Variants in CDC42BPA observed in about 807,000 individuals in gnomAD.
CDC42BPA encodes the protein CDC42 binding protein kinase alpha, also known as serine/threonine-protein kinase MRCK alpha.
CDC42BPA carries 80 observed loss-of-function variants against 223.5 expected under a neutral mutation model. That is an observed-to-expected ratio of 0.36 (90% confidence interval 0.30 to 0.43). CDC42BPA has a LOEUF of 0.43. Among genes scored for constraint, CDC42BPA ranks in the 20% least tolerant of loss-of-function variants. The probability of loss-of-function intolerance (pLI) is 1.00; values close to 1 mark genes in which losing one functional copy is unlikely to be tolerated. For synonymous variants in CDC42BPA, 694 were observed against 718.6 expected (o/e 0.97, Z 0.55); for missense variants, 1,743 against 2,099.9 (o/e 0.83, Z 3.32).
chr1:227,145,474 C>T lies in CDC42BPA; in HGVS notation c.1143+15G>A. On this transcript the variant is annotated intron_variant, in intron 8 of 36. Coordinates refer to ENST00000366766, the MANE Select transcript of CDC42BPA (RefSeq NM_001394014.1). ...GAAACAGAGGGACAGAACTTCTTCA[C>T]AGTGTCATACTTACAGAATTTTTTA... 3 of 1,603,356 alleles carry T rather than the reference C, an allele frequency of 1.9e-6. No homozygotes were observed. Among genetic ancestry groups the T allele is most frequent in the Non-Finnish European group, 2.6e-6 (3 of 1,173,974 alleles).
intron 12 of CDC42BPA, among the ~76,000 whole-genome samples, chr1:227,113,186 C>T (rs1687202417): frequency 6.6e-6 from 1 of 152,200 alleles, no homozygotes. Context: ...TAGGAATAAA[C>T]GATATGATGG....
intron 1 of CDC42BPA, among the ~76,000 whole-genome samples, chr1:227,276,120 C>A (rs866595731): frequency 1.3e-5 from 2 of 150,764 alleles, no homozygotes; most frequent in Admixed American, 6.6e-5. Context: ...AAGTGAGGAG[C>A]GCCTCTTCCC....
intron 17 of CDC42BPA, among the ~76,000 whole-genome samples, chr1:227,078,344 G>T (rs1468635324): frequency 6.6e-6 from 1 of 151,990 alleles, no homozygotes; most frequent in Non-Finnish European, 1.5e-5. Context: ...CTCCAGCTCT[G>T]GTCAAAATAG....
At chr1:227,099,612 C>T (rs78335667) in intron 15 of CDC42BPA, among the ~76,000 whole-genome samples, 13,678 of 152,066 alleles carry the variant, frequency 0.09, 841 homozygotes, top group Middle Eastern at 0.16. Context: ...CCCCCTGTTG[C>T]CTCCTCTCTC....
intron 12 of CDC42BPA, among the ~76,000 whole-genome samples, chr1:227,115,071 T>TA (rs1192123836): frequency 6.6e-6 from 1 of 152,112 alleles, no homozygotes. Context: ...AGAATGTAAA[T>TA]ACACTTAACA....
In CDC42BPA at chr1:227,261,453, T is replaced by C. The variant is rs532658814; in HGVS notation, c.179-7298A>G. Among the ~76,000 whole-genome samples the C allele has an allele frequency of 4.1e-4, 62 of 150,712 alleles. 2 individuals are homozygous for C. Among genetic ancestry groups the C allele is most frequent in the African/African-American group, 1.5e-3 (60 of 40,128 alleles). On this transcript the variant is annotated intron_variant, in intron 1 of 36. Transcript: ENST00000366766. ...AAACAAAGTTTCAAAATAGTCCTTG[T>C]GCATATATGGGCTTGACAACACAGT...
At chr1:227,020,692 A>G (rs1381202561) in intron 32 of CDC42BPA, among the ~76,000 whole-genome samples, 1 of 152,228 alleles carries the variant, frequency 6.6e-6, no homozygotes, top group East Asian at 1.9e-4. Context: ...TGTAACAGCA[A>G]TAAGGTTGTT....
chr1:227,028,458 T>G (rs1411131429), intron 30 of CDC42BPA, among the ~76,000 whole-genome samples, 199 bp downstream of exon 30: 1 of 152,260 alleles, frequency 6.6e-6, no homozygotes, highest in Non-Finnish European at 1.5e-5. Flanking sequence ...ATTACGTGCA[T>G]GCTAATGCTG....
chr1:227,207,164 T>C (rs1264132465), intron 3 of CDC42BPA, among the ~76,000 whole-genome samples: 1 of 142,902 alleles, frequency 7.0e-6, no homozygotes, highest in Non-Finnish European at 1.5e-5. Context: ...TTCCCACCTA[T>C]GAGTGAGAAC....
intron 1 of CDC42BPA, among the ~76,000 whole-genome samples, chr1:227,270,559 T>C (rs1418723392): frequency 6.6e-6 from 1 of 152,214 alleles, no homozygotes; most frequent in Non-Finnish European, 1.5e-5. Flanking sequence ...CATGAGTTGT[T>C]TGAATTTTAT....
At chr1:227,042,546 T>C (rs1240964990) in intron 23 of CDC42BPA, among the ~76,000 whole-genome samples, 1 of 152,162 alleles carries the variant, frequency 6.6e-6, no homozygotes, top group African/African-American at 2.4e-5. Flanking sequence ...CATAACATAA[T>C]TAAAGATCGT....
At chr1:227,227,085 A>G (rs1440929210) in intron 2 of CDC42BPA, among the ~76,000 whole-genome samples, 1 of 152,168 alleles carries the variant, frequency 6.6e-6, no homozygotes, top group Non-Finnish European at 1.5e-5. Context: ...TAACTAAAAA[A>G]GTATAAAATA....
intron 34 of CDC42BPA, 46 bp downstream of exon 34, chr1:227,016,034 C>A: frequency 1.1e-6 from 1 of 943,236 alleles, no homozygotes; most frequent in Non-Finnish European, 1.7e-6. Context: ...TATTTATACT[C>A]CCCCCACACC....
chr1:227,131,170 T>C (rs1275050861), intron 10 of CDC42BPA, among the ~76,000 whole-genome samples: 2 of 152,204 alleles, frequency 1.3e-5, no homozygotes, highest in Admixed American at 6.5e-5. Context: ...CATCTAACAC[T>C]GACTTCTGAG....
At chr1:227,093,033 T>A (rs72748181) in intron 15 of CDC42BPA, among the ~76,000 whole-genome samples, 48,770 of 152,068 alleles carry the variant, frequency 0.32, 7,931 homozygotes, top group East Asian at 0.43. Flanking sequence ...AAGTTATCCC[T>A]ACCATGTCTC....
At chr1:227,114,327 A>G (rs1334455609) in intron 12 of CDC42BPA, among the ~76,000 whole-genome samples, 2 of 152,066 alleles carry the variant, frequency 1.3e-5, no homozygotes, top group East Asian at 3.9e-4. Flanking sequence ...TTTCAAAGAT[A>G]TGAGAAGATA....
At chr1:227,111,983 T>C (rs1410260570) in intron 14 of CDC42BPA, 1 of 184,524 alleles carries the variant, frequency 5.4e-6, no homozygotes, top group African/African-American at 2.3e-5. Flanking sequence ...GAGCTTCTCC[T>C]GAGTCATTTA....
chr1:227,006,948 C>CA (rs1558265968), intron 34 of CDC42BPA, among the ~76,000 whole-genome samples: 2 of 101,334 alleles, frequency 2.0e-5, no homozygotes, highest in South Asian at 3.2e-4. Flanking sequence ...GAGACTCCGT[C>CA]TCAACAACAA....
chr1:227,276,992 T>C (rs1045394907), intron 1 of CDC42BPA, among the ~76,000 whole-genome samples: 1 of 151,760 alleles, frequency 6.6e-6, no homozygotes, highest in Non-Finnish European at 1.5e-5. Context: ...TTCACATGTT[T>C]ATCTGCTAAC....
Sources: gnomAD v4.1 joint callset for allele counts (sites outside exome capture counted in the v4.1 genomes callset) on GRCh38, gnomAD v4.1.1 for gene constraint, MANE v1.5 for transcripts, NCBI Gene and HGNC (gene_info 2026-07-23, HGNC 2026-07-21) for gene names.